The following PPP1R12B variants were observed in gnomAD, a reference collection of about 807,000 sequenced individuals.
The protein encoded by PPP1R12B is protein phosphatase 1 regulatory subunit 12B, also known as myosin phosphatase target subunit 2.
In PPP1R12B, 76 loss-of-function variants were observed where a neutral mutation model predicts 126.1. The ratio of observed to expected loss-of-function variants is 0.60; its 90% CI spans 0.50 to 0.73. The LOEUF is 0.73. PPP1R12B is among the 30% of genes least tolerant of loss of function. The probability of loss-of-function intolerance (pLI) is 0.00; values close to 1 mark genes in which losing one functional copy is unlikely to be tolerated. For missense variants in PPP1R12B, 1,052 were observed against 1,205.1 expected, an observed-to-expected ratio of 0.87 and a Z score of 1.88; for synonymous variants, 356 against 434.7, an observed-to-expected ratio of 0.82 and a Z score of 2.25.
At chr1:202,383,549 C>T (rs1662668201) in intron 1 of PPP1R12B, among the ~76,000 whole-genome samples, 2 of 152,094 alleles carry the variant, frequency 1.3e-5, no homozygotes, top group Non-Finnish European at 2.9e-5. Context: ...CATGGCTAAA[C>T]TCTGTCTCTA....
At chr1:202,482,729 A>G (rs1227714345) in intron 13 of PPP1R12B, among the ~76,000 whole-genome samples, 1 of 152,190 alleles carries the variant, frequency 6.6e-6, no homozygotes, top group Non-Finnish European at 1.5e-5. Context: ...TTTGCTATGC[A>G]AAAGCTTTTT....
chr1:202,406,576 A>G (rs1666632406), intron 1 of PPP1R12B, among the ~76,000 whole-genome samples: 1 of 152,236 alleles, frequency 6.6e-6, no homozygotes, highest in African/African-American at 2.4e-5. Flanking sequence ...GGTAGAAAGC[A>G]TTTAGGTGGT....
chr1:202,429,139 A>G (rs1669904645), intron 6 of PPP1R12B, among the ~76,000 whole-genome samples: 2 of 152,222 alleles, frequency 1.3e-5, no homozygotes, highest in African/African-American at 2.4e-5. Flanking sequence ...TTTGCTCATT[A>G]TAAGATAGCC....
At chr1:202,379,536 C>T (rs1246924478) in intron 1 of PPP1R12B, among the ~76,000 whole-genome samples, 2 of 152,222 alleles carry the variant, frequency 1.3e-5, no homozygotes, top group Non-Finnish European at 2.9e-5. Context: ...GTCTTCTTGT[C>T]TCCATTTACA....
At chr1:202,538,293 C>T (rs1684759275) in intron 18 of PPP1R12B, among the ~76,000 whole-genome samples, 1 of 152,196 alleles carries the variant, frequency 6.6e-6, no homozygotes, top group Non-Finnish European at 1.5e-5. Context: ...TTGCACCTGG[C>T]AACAGTTGGC....
chr1:202,426,413 T>C (rs1257562386), intron 4 of PPP1R12B, among the ~76,000 whole-genome samples: 1 of 152,192 alleles, frequency 6.6e-6, no homozygotes, highest in Admixed American at 6.5e-5. Context: ...CCAATGTGGT[T>C]TGGGTCTTCA....
At chr1:202,441,732 T>C (rs1331433570) in intron 11 of PPP1R12B, among the ~76,000 whole-genome samples, 1 of 152,108 alleles carries the variant, frequency 6.6e-6, no homozygotes, top group Non-Finnish European at 1.5e-5. Context: ...GCAAGACTTC[T>C]TTCCCTTTCC....
Position 202,508,595 on chromosome 1 carries a change from C to T in PPP1R12B, c.2490+11773C>T, listed in dbSNP as rs931552772. ...TTGAGTATTATGTCACCAAATAAAA[C>T]ATTGTATACTTTAAGATGGCATTTT... On this transcript the variant is annotated intron_variant, in intron 18 of 23. Coordinates refer to ENST00000608999, the MANE Select transcript of PPP1R12B (RefSeq NM_002481.4). This position sits in a 1 kb window ranked among gnomAD's most constrained non-coding sequence, Gnocchi z 4.5. Among the ~76,000 whole-genome samples, 2 of 152,140 alleles carry T rather than the reference C, an allele frequency of 1.3e-5. No homozygotes were observed. The highest frequency in any genetic ancestry group is 2.9e-5 in the Non-Finnish European group (2 of 68,026).
intron 23 of PPP1R12B, chr1:202,575,608 G>A (rs1689022682): frequency 6.5e-6 from 1 of 153,106 alleles, no homozygotes; most frequent in Non-Finnish European, 1.5e-5. Context: ...GGTAACCAAG[G>A]GCAGGGGCTC....
intron 1 of PPP1R12B, among the ~76,000 whole-genome samples, chr1:202,407,588 A>G (rs1389299074): frequency 6.6e-6 from 1 of 152,224 alleles, no homozygotes; most frequent in Non-Finnish European, 1.5e-5. Flanking sequence ...CAGGGCAGAC[A>G]GTTGCTGGTG....
intron 1 of PPP1R12B, among the ~76,000 whole-genome samples, chr1:202,384,117 AAC>A (rs999782412): frequency 4.6e-5 from 7 of 152,374 alleles, no homozygotes; most frequent in African/African-American, 1.4e-4. Flanking sequence ...AAAATGGTAC[AAC>A]CACTTTGGTA....
chr1:202,348,875 A>G lies in PPP1R12B; in HGVS notation c.24A>G (p.Gly8=), dbSNP rs768914255. 9 of 1,610,120 alleles carry G rather than the reference A, an allele frequency of 5.6e-6. No individual in the cohort carries two copies. The African/African-American group carries it at 1.1e-4, about 19-fold the overall frequency. The stretch of plus-strand genomic sequence containing the variant: ...CAATGGCGGAACTGGAGCACCTAGG[A>G]GGGAAGCGGGCAGAGTCGGCGCGAA... MAELEHL[G]GKRAESARMR... The change falls in exon 1 of 24, where the codon GGA becomes GGG. Residue 8 remains glycine, a synonymous_variant. Transcript: ENST00000608999.
intron 1 of PPP1R12B, among the ~76,000 whole-genome samples, chr1:202,373,521 T>G (rs1660657619): frequency 6.6e-6 from 1 of 152,142 alleles, no homozygotes; most frequent in Non-Finnish European, 1.5e-5. Flanking sequence ...GGGTCCATCT[T>G]TATTCTTTTG....
intron 18 of PPP1R12B, among the ~76,000 whole-genome samples, chr1:202,511,831 C>G (rs1681560782): frequency 7.3e-6 from 1 of 137,464 alleles, no homozygotes; most frequent in Admixed American, 8.2e-5. Context: ...GGCTGGAGTG[C>G]AATGACATGA....
chr1:202,448,768 C>G (rs1442544452), intron 12 of PPP1R12B, among the ~76,000 whole-genome samples: 1 of 152,156 alleles, frequency 6.6e-6, no homozygotes, highest in Admixed American at 6.5e-5. Context: ...CATACACATA[C>G]AAGTCTCATA....
chr1:202,506,923 A>G (rs961441462), intron 18 of PPP1R12B, among the ~76,000 whole-genome samples: 4 of 152,204 alleles, frequency 2.6e-5, no homozygotes, highest in African/African-American at 7.2e-5. Flanking sequence ...TTCTGCATGC[A>G]TTAAGTGGAA....
intron 18 of PPP1R12B, among the ~76,000 whole-genome samples, chr1:202,518,599 G>T (rs1227755386): frequency 1.3e-5 from 2 of 152,252 alleles, no homozygotes; most frequent in Non-Finnish European, 2.9e-5. Flanking sequence ...GGATGTAGCA[G>T]GCCCAGGTAA....
At chr1:202,382,599 G>A (rs1662511430) in intron 1 of PPP1R12B, among the ~76,000 whole-genome samples, 1 of 151,874 alleles carries the variant, frequency 6.6e-6, no homozygotes, top group South Asian at 2.1e-4. Context: ...GACTGTGGCT[G>A]GGCATGGTGG....
chr1:202,477,456 C>T (rs1461121559), intron 13 of PPP1R12B, among the ~76,000 whole-genome samples: 1 of 152,228 alleles, frequency 6.6e-6, no homozygotes, highest in Non-Finnish European at 1.5e-5. Flanking sequence ...TTTATCACTA[C>T]ACTATACCTG....
Sources: gnomAD v4.1 joint callset for allele counts (sites outside exome capture counted in the v4.1 genomes callset) on GRCh38, gnomAD v4.1.1 for gene constraint, Gnocchi (gnomAD v3.1) non-coding constraint, MANE v1.5 for transcripts, NCBI Gene and HGNC (gene_info 2026-07-23, HGNC 2026-07-21) for gene names.